Variants in SCN9A observed in about 807,000 individuals in gnomAD.
SCN9A encodes the protein sodium channel protein type 9 subunit alpha.
Under a neutral mutation model 187.0 loss-of-function variants are expected in SCN9A, and 131 were observed. The observed-to-expected ratio is 0.70, with a 90% CI of 0.61 to 0.81. The LOEUF is 0.81. Ranked by LOEUF, SCN9A falls within the 30% of genes least tolerant of loss-of-function variation. SCN9A has a pLI of 0.00. For synonymous variants in SCN9A, 809 were observed against 808.6 expected, an observed-to-expected ratio of 1.00 and a Z score of -0.01; for missense variants, 2,252 against 2,396.6, an observed-to-expected ratio of 0.94 and a Z score of 1.26.
At chr2:166,289,079 C>A (rs1697918162) in intron 9 of SCN9A, among the ~76,000 whole-genome samples, 1 of 151,738 alleles carries the variant, frequency 6.6e-6, no homozygotes, top group African/African-American at 2.4e-5. Flanking sequence ...TATTTAATTA[C>A]TTTATTCATC....
chr2:166,326,906 G>C lies in SCN9A; in HGVS notation c.-50-15100C>G, dbSNP rs1032416620. The stretch of plus-strand genomic sequence containing the variant: ...GAGTCTTGGAGCTTGAGAACATTCA[G>C]ATAACTAAAGGTTCTTGACTTCAGG... On this transcript the variant is annotated intron_variant, in intron 1 of 26. Coordinates refer to ENST00000642356, the MANE Select transcript of SCN9A (RefSeq NM_001365536.1). Among the ~76,000 whole-genome samples, 9 of 152,238 alleles carry C rather than the reference G, an allele frequency of 5.9e-5. No homozygotes were observed. The East Asian group carries it at 1.2e-3, about 20-fold the overall frequency.
At chr2:166,264,028 C>G (rs148592274) in intron 17 of SCN9A, among the ~76,000 whole-genome samples, 254 of 152,082 alleles carry the variant, frequency 1.7e-3, no homozygotes, top group African/African-American at 6.0e-3. Flanking sequence ...GTTACAACAG[C>G]CGTAAGAAAC....
intron 1 of SCN9A, among the ~76,000 whole-genome samples, chr2:166,372,133 T>A (rs1700580482): frequency 6.6e-6 from 1 of 151,996 alleles, no homozygotes; most frequent in South Asian, 2.1e-4. Flanking sequence ...AAAATTCTAG[T>A]ATGAAAATGA....
chr2:166,205,948 T>A (rs1284048235), intron 24 of SCN9A, among the ~76,000 whole-genome samples: 1 of 151,964 alleles, frequency 6.6e-6, no homozygotes, highest in African/African-American at 2.4e-5. Flanking sequence ...GAAACACAAA[T>A]CAAAACCACA....
intron 19 of SCN9A, among the ~76,000 whole-genome samples, chr2:166,241,004 C>T (rs1433629642): frequency 6.6e-6 from 1 of 152,114 alleles, no homozygotes; most frequent in African/African-American, 2.4e-5. Flanking sequence ...GGGGAACCAA[C>T]AGAAACATGT....
At chr2:166,227,832 A>G (rs1313700820) in intron 22 of SCN9A, 109 bp from the exon 23 acceptor site, 1 of 691,216 alleles carries the variant, frequency 1.4e-6, no homozygotes, top group Non-Finnish European at 2.6e-6. Flanking sequence ...TAATACTAGT[A>G]AGTTTTGCTG....
At chr2:166,290,421 C>T (rs530332260) in intron 9 of SCN9A, among the ~76,000 whole-genome samples, 31 of 152,090 alleles carry the variant, frequency 2.0e-4, no homozygotes, top group African/African-American at 3.9e-4. Context: ...ATATTCGTTT[C>T]GGTATATACC....
rs765320933 is a variant in SCN9A, at chr2:166,350,006, A to T, written c.-51+25691T>A. Among the ~76,000 whole-genome samples, 1,128 of 125,962 alleles carry T rather than the reference A, an allele frequency of 9.0e-3. 5 individuals carry two copies. Among genetic ancestry groups the T allele is most frequent in the Non-Finnish European group, 0.012 (691 of 57,304 alleles). 82.6% of individuals were successfully genotyped at this position (125,962 alleles called of 152,430 possible). A position where few individuals can be genotyped will look rare whatever the true frequency, so the allele number is the denominator to read the frequency against. On this transcript the variant is annotated intron_variant, in intron 1 of 26. Transcript: ENST00000642356. ...AATAAAAAATAAAAAATAAAAAATA[A>T]AATAAAATTAACATGCTTGGTCTGC... is the stretch of plus-strand genomic sequence containing the variant.
At chr2:166,214,254 G>A (rs1029674993) in intron 24 of SCN9A, among the ~76,000 whole-genome samples, 3 of 151,988 alleles carry the variant, frequency 2.0e-5, no homozygotes, top group African/African-American at 4.8e-5. Flanking sequence ...AAACGATGGG[G>A]GGTTTTGAAC....
At chr2:166,300,959 C>T in intron 7 of SCN9A, 1 of 150,694 alleles carries the variant, frequency 6.6e-6, no homozygotes, top group Non-Finnish European at 1.5e-5. Flanking sequence ...GGCTGGAGTG[C>T]AATGGCACGA....
intron 20 of SCN9A, among the ~76,000 whole-genome samples, chr2:166,237,872 C>T (rs933808148): frequency 6.6e-6 from 1 of 152,084 alleles, no homozygotes; most frequent in Non-Finnish European, 1.5e-5. Flanking sequence ...GTTACAATGT[C>T]ACAGAAATAA....
At chr2:166,330,054 A>C (rs1559045059) in intron 1 of SCN9A, among the ~76,000 whole-genome samples, 1 of 152,180 alleles carries the variant, frequency 6.6e-6, no homozygotes. Flanking sequence ...GTACTTGTCT[A>C]GTCTTCAAAC....
intron 21 of SCN9A, 100 bp from the exon 22 acceptor site, chr2:166,229,072 C>T (rs1480940068): frequency 2.7e-5 from 26 of 970,894 alleles, no homozygotes; most frequent in South Asian, 1.4e-4. Flanking sequence ...TTAGAAAAGC[C>T]GCCCTTAAAT....
At chr2:166,320,079 T>G (rs1056809365) in intron 1 of SCN9A, among the ~76,000 whole-genome samples, 1 of 152,044 alleles carries the variant, frequency 6.6e-6, no homozygotes, top group Non-Finnish European at 1.5e-5. Context: ...AAACATTACA[T>G]AAGTTGATGA....
chr2:166,219,532 A>T (rs1460088440), intron 24 of SCN9A, among the ~76,000 whole-genome samples: 1 of 152,132 alleles, frequency 6.6e-6, no homozygotes, highest in Non-Finnish European at 1.5e-5. Flanking sequence ...GAACACATGG[A>T]CACATAAAGG....
rs536168223 is a variant in SCN9A, at chr2:166,365,601, A to G, written c.-51+10096T>C. The stretch of plus-strand genomic sequence containing the variant: ...GGTTTTCTTGCTTCTCCTTAAATAC[A>G]TCAAATATGCCTTAGGGCTTTTGCA... On this transcript the variant is annotated intron_variant, in intron 1 of 26. Transcript: ENST00000642356. Among the ~76,000 whole-genome samples, 321 of 152,320 alleles carry G rather than the reference A, an allele frequency of 2.1e-3. 1 individual carries two copies. Among genetic ancestry groups the G allele is most frequent in the Non-Finnish European group, 3.9e-3 (262 of 68,024 alleles).
rs367569684 is a variant in SCN9A, at chr2:166,281,675, A to C, written c.2104+4T>G. ...CTGTACAGTAAAAGAAGATTATTAC[A>C]TACCTTCCACAGTGTTTGTTAATAT... On this transcript the variant is annotated splice_donor_region_variant and intron_variant, in intron 13 of 26. Transcript: ENST00000642356. 5.6e-6 allele frequency: 9 copies of C among 1,612,072 alleles called. No individual in the cohort carries two copies. The highest frequency in any genetic ancestry group is 1.3e-5 in the African/African-American group (1 of 74,864).
intron 16 of SCN9A, chr2:166,276,274 A>C (rs925599050): frequency 2.0e-5 from 3 of 152,238 alleles, no homozygotes; most frequent in African/African-American, 7.2e-5. Flanking sequence ...TAAAGGGCCA[A>C]ATGATAAATA....
chr2:166,293,130 C>T lies in SCN9A; in HGVS notation c.1107+101G>A, dbSNP rs1199458427. On this transcript the variant is annotated intron_variant, in intron 9 of 26. Coordinates refer to ENST00000642356, the MANE Select transcript of SCN9A (RefSeq NM_001365536.1). ...TGGTAATAAGATAATAGAGTTTCCT[C>T]CATTCTCAAATAAATAAAAAACCTC... is the stretch of plus-strand genomic sequence containing the variant. 2.9e-6 allele frequency: 3 copies of T among 1,021,214 alleles called. No individual in the cohort carries two copies. The African/African-American group carries it at 4.9e-5, about 17-fold the overall frequency. 63.3% of individuals were successfully genotyped at this position (1,021,214 alleles called of 1,614,324 possible).
Sources: allele counts gnomAD v4.1 joint callset (sites outside exome capture counted in the v4.1 genomes callset), GRCh38; gene constraint gnomAD v4.1.1; transcripts MANE v1.5; gene names NCBI Gene and HGNC (gene_info 2026-07-23, HGNC 2026-07-21).